The following VPS13B variants were observed in gnomAD, a reference collection of about 807,000 sequenced individuals.
The protein encoded by VPS13B is intermembrane lipid transfer protein VPS13B.
Under a neutral mutation model 426.4 loss-of-function variants are expected in VPS13B, and 285 were observed. The ratio of observed to expected loss-of-function variants is 0.67; its 90% CI spans 0.61 to 0.74. VPS13B has a LOEUF of 0.74. Ranked by LOEUF, VPS13B falls within the 30% of genes least tolerant of loss-of-function variation. The probability of loss-of-function intolerance (pLI) is 0.00; values close to 1 mark genes in which losing one functional copy is unlikely to be tolerated. For synonymous variants in VPS13B, 1,676 were observed against 1,676.4 expected (o/e 1.00, Z 0.01); for missense variants, 4,537 against 4,782.6 (o/e 0.95, Z 1.51).
chr8:99,273,996 A>T (rs748812513), intron 17 of VPS13B, among the ~76,000 whole-genome samples: 1 of 152,146 alleles, frequency 6.6e-6, no homozygotes, highest in African/African-American at 2.4e-5. Context: ...ATGCATAAGT[A>T]TAGTTATGAG....
intron 39 of VPS13B, among the ~76,000 whole-genome samples, chr8:99,752,227 G>A (rs961421698): frequency 6.6e-6 from 1 of 151,964 alleles, no homozygotes; most frequent in Admixed American, 6.6e-5. Context: ...GATAGTCTGG[G>A]GAAAAGGCAG....
intron 43 of VPS13B, among the ~76,000 whole-genome samples, chr8:99,792,414 T>G (rs1299407660): frequency 6.6e-6 from 1 of 150,832 alleles, no homozygotes; most frequent in Non-Finnish European, 1.5e-5. Context: ...CAGATGTAAT[T>G]AAGGTCCTAA....
rs1813454117 is a variant in VPS13B at position 99,375,824 on chromosome 8, T to G, written c.2825-8384T>G. 2.0e-5 allele frequency among the ~76,000 whole-genome samples: 3 copies of G among 152,354 alleles called. No individual in the cohort carries two copies. In the South Asian group the frequency reaches 6.2e-4, roughly 32 times the overall value. ...TAGAAAAATAGTGAGTTTTAACAAC[T>G]TAGATGTAAATTAATATGTTTGTGT... is the stretch of plus-strand genomic sequence containing the variant. On this transcript the variant is annotated intron_variant, in intron 19 of 61. Coordinates refer to ENST00000357162, the MANE Select transcript of VPS13B (RefSeq NM_152564.5).
chr8:99,725,705 A>G (rs1176922286), intron 39 of VPS13B, among the ~76,000 whole-genome samples: 1 of 152,212 alleles, frequency 6.6e-6, no homozygotes, highest in Non-Finnish European at 1.5e-5. Context: ...TACATTATAT[A>G]TCACTATTTT....
In VPS13B at chr8:99,521,585, A is replaced by T. The variant is rs115898277; in HGVS notation, c.4745+575A>T. ...AAACTGGTGAACATATGTAATCAAC[A>T]TGATAAAAATAATATATGATTCATA... On this transcript the variant is annotated intron_variant, in intron 30 of 61. Transcript: ENST00000357162. Among the ~76,000 whole-genome samples the T allele has an allele frequency of 3.4e-3, 524 of 152,370 alleles. 3 individuals carry two copies. The highest frequency in any genetic ancestry group is 0.011 in the African/African-American group (460 of 41,586).
chr8:99,637,664 G>C (rs1389845306), intron 33 of VPS13B, among the ~76,000 whole-genome samples: 1 of 152,080 alleles, frequency 6.6e-6, no homozygotes, highest in Non-Finnish European at 1.5e-5. Flanking sequence ...ATATAGGCTG[G>C]ATGCTAAATT....
At chr8:99,749,726 A>G (rs990136350) in intron 39 of VPS13B, among the ~76,000 whole-genome samples, 2 of 152,070 alleles carry the variant, frequency 1.3e-5, no homozygotes, top group Non-Finnish European at 2.9e-5. Context: ...TCTTTTAAAT[A>G]TATGATTTCC....
At chr8:99,598,864 T>C (rs1358117679) in intron 33 of VPS13B, among the ~76,000 whole-genome samples, 7 of 151,946 alleles carry the variant, frequency 4.6e-5, no homozygotes, top group Non-Finnish European at 1.0e-4. Context: ...TCTTATGCTG[T>C]CTTTGATAGT....
chr8:99,784,553 A>C (rs1349249239), intron 43 of VPS13B, 77 bp downstream of exon 43: 3 of 1,585,944 alleles, frequency 1.9e-6, no homozygotes, highest in Non-Finnish European at 2.6e-6. Context: ...GTGCCTGTCC[A>C]GTTATTTCCC....
intron 3 of VPS13B, among the ~76,000 whole-genome samples, chr8:99,085,578 G>A (rs1473515716): frequency 6.6e-6 from 1 of 152,194 alleles, no homozygotes; most frequent in Non-Finnish European, 1.5e-5. Flanking sequence ...TGTTTTTGCA[G>A]TGTGTAGTAC....
rs566918849 is a variant in VPS13B, at chr8:99,860,702, T to G, written c.11045-1074T>G. 2.0e-5 allele frequency among the ~76,000 whole-genome samples: 3 copies of G among 152,356 alleles called. No individual in the cohort carries two copies. The South Asian group carries it at 6.2e-4, about 32-fold the overall frequency. On this transcript the variant is annotated intron_variant, in intron 57 of 61. Transcript: ENST00000357162. ...CTGAAACTGGACCTGCAATAACAGA[T>G]GAGCTAGTTTGTTAGTGTCCAGATC...
In VPS13B at chr8:99,832,357, T is replaced by TTTTTTTTTTTTTTTTTTTC. The variant is rs1287064248; in HGVS notation, c.9331-3_9331-2insTTTTTTTTTCTTTTTTTTT. 1 of 1,470,882 alleles carries TTTTTTTTTTTTTTTTTTTC rather than the reference T, an allele frequency of 6.8e-7. No individual in the cohort carries two copies. The highest frequency in any genetic ancestry group is 8.9e-7 in the Non-Finnish European group (1 of 1,117,644). 91.1% of individuals were successfully genotyped at this position (1,470,882 alleles called of 1,614,324 possible). A position where few individuals can be genotyped will look rare whatever the true frequency, so the allele number is the denominator to read the frequency against. ...GCTCTCTGCATTTTTTTTTTTTTTTTTTTTTTTTTAGTATTTTCGTGTTCC... is the reference window on the plus strand; with the variant it reads ...GCTCTCTGCATTTTTTTTTTTTTTTTTTTTTTTTTTTTTTTTTTCTTTTTTTTTAGTATTTTCGTGTTCC... On this transcript the variant is annotated splice_polypyrimidine_tract_variant and intron_variant, in intron 51 of 61. Transcript: ENST00000357162.
At chr8:99,873,690 C>G (rs1176821378) in intron 61 of VPS13B, among the ~76,000 whole-genome samples, 4 of 152,182 alleles carry the variant, frequency 2.6e-5, no homozygotes, top group African/African-American at 7.2e-5. Context: ...CTACTCACCC[C>G]CAAGAAAACT....
At chr8:99,757,243 C>A (rs1395158877) in intron 39 of VPS13B, among the ~76,000 whole-genome samples, 1 of 152,076 alleles carries the variant, frequency 6.6e-6, no homozygotes, top group Non-Finnish European at 1.5e-5. Flanking sequence ...ATAACTAAGT[C>A]TAGAATGGAA....
At chr8:99,858,213 ACTC>A (rs1246101793) in intron 56 of VPS13B, among the ~76,000 whole-genome samples, 2 of 151,434 alleles carry the variant, frequency 1.3e-5, no homozygotes, top group Admixed American at 6.6e-5. Context: ...GTCTTTTCAG[ACTC>A]CTCCTCTCCT....
At chr8:99,654,344 G>A (rs72676228) in intron 34 of VPS13B, among the ~76,000 whole-genome samples, 20,658 of 152,022 alleles carry the variant, frequency 0.14, 1,948 homozygotes, top group East Asian at 0.39. Flanking sequence ...CACCACGCCC[G>A]GCTGACACTG....
intron 19 of VPS13B, among the ~76,000 whole-genome samples, chr8:99,294,573 A>T (rs1229642069): frequency 6.6e-6 from 1 of 152,116 alleles, no homozygotes; most frequent in Admixed American, 6.6e-5. Context: ...AAAATAAAAA[A>T]AGAAAATAGC....
chr8:99,798,597 C>A (rs1197084050), intron 43 of VPS13B, among the ~76,000 whole-genome samples: 1 of 152,138 alleles, frequency 6.6e-6, no homozygotes, highest in East Asian at 1.9e-4. Flanking sequence ...GAGTTTTCTG[C>A]AAGCCTGCAT....
Position 99,699,509 on chromosome 8 carries a change from T to G in VPS13B, c.6047-16T>G. ...AGAAAGCTTCAATAATTGTTTTCTC[T>G]TTTTTACTTCTATAGCGGATGTCAA... On this transcript the variant is annotated splice_polypyrimidine_tract_variant and intron_variant, in intron 35 of 61. Transcript: ENST00000357162. 1 of 1,612,206 alleles carries G rather than the reference T, an allele frequency of 6.2e-7. No homozygotes were observed. The highest frequency in any genetic ancestry group is 8.5e-7 in the Non-Finnish European group (1 of 1,179,796).
Sources: allele counts gnomAD v4.1 joint callset (sites outside exome capture counted in the v4.1 genomes callset), GRCh38; gene constraint gnomAD v4.1.1; transcripts MANE v1.5; gene names NCBI Gene and HGNC (gene_info 2026-07-23, HGNC 2026-07-21).